The following ADD3 variants were observed in gnomAD, a reference collection of about 807,000 sequenced individuals.
The protein encoded by ADD3 is gamma-adducin.
A neutral mutation model predicts 80.2 loss-of-function variants in ADD3; 25 were observed. The observed-to-expected ratio is 0.31, with a 90% CI of 0.23 to 0.44. The LOEUF (loss-of-function observed/expected upper bound fraction) is 0.44, where lower values mean the gene tolerates loss of function less well. Ranked by LOEUF, ADD3 falls within the 20% of genes least tolerant of loss-of-function variation. The pLI is 1.00. For synonymous variants in ADD3, 284 were observed against 289.6 expected, an observed-to-expected ratio of 0.98 and a Z score of 0.20; for missense variants, 829 against 847.5, an observed-to-expected ratio of 0.98 and a Z score of 0.27.
At chr10:110,038,524 A>T (rs975520975) in intron 1 of ADD3, among the ~76,000 whole-genome samples, 1 of 152,240 alleles carries the variant, frequency 6.6e-6, no homozygotes, top group African/African-American at 2.4e-5. Context: ...TGCAGCCCTT[A>T]CAATCTGTCT....
chr10:110,113,779 G>C (rs1457775019), intron 3 of ADD3, among the ~76,000 whole-genome samples: 1 of 152,156 alleles, frequency 6.6e-6, no homozygotes, highest in East Asian at 1.9e-4. Context: ...TAGAATAGTT[G>C]GGGATCTGGT....
At chr10:110,124,744 G>C (rs1851928981) in intron 10 of ADD3, among the ~76,000 whole-genome samples, 2 of 152,176 alleles carry the variant, frequency 1.3e-5, no homozygotes, top group Admixed American at 1.3e-4. Flanking sequence ...AGATCTTGTA[G>C]GTAGAGAAAT....
chr10:110,082,092 A>C (rs965689158), intron 1 of ADD3, among the ~76,000 whole-genome samples: 6 of 152,230 alleles, frequency 3.9e-5, no homozygotes, highest in South Asian at 2.1e-4. Flanking sequence ...TGTGACACAC[A>C]GTGGGAATTC....
chr10:110,047,316 C>T (rs1857009398), intron 1 of ADD3, among the ~76,000 whole-genome samples: 1 of 152,284 alleles, frequency 6.6e-6, no homozygotes, highest in South Asian at 2.1e-4. Flanking sequence ...TAGGCTTAGA[C>T]AGTTTTACAT....
chr10:110,124,344 T>G (rs1001561314), intron 10 of ADD3, 70 bp downstream of exon 10: 94 of 1,503,694 alleles, frequency 6.3e-5, no homozygotes, highest in Admixed American at 1.6e-4. Context: ...TTGAATGTTC[T>G]ATATTGAAAA....
intron 1 of ADD3, among the ~76,000 whole-genome samples, chr10:110,051,185 C>CA (rs1294696874): frequency 2.0e-5 from 3 of 152,186 alleles, no homozygotes; most frequent in African/African-American, 7.2e-5. Context: ...AAATAAAGAG[C>CA]TAAAACCATA....
intron 1 of ADD3, among the ~76,000 whole-genome samples, chr10:110,070,756 G>A (rs1285552145): frequency 1.3e-5 from 2 of 152,006 alleles, no homozygotes; most frequent in African/African-American, 4.8e-5. Flanking sequence ...GGGGGGTAGG[G>A]GTGCAGATAA....
chr10:110,100,935 G>T (rs1848745269), intron 2 of ADD3, 87 bp downstream of exon 2: 1 of 1,238,878 alleles, frequency 8.1e-7, no homozygotes, highest in Non-Finnish European at 1.1e-6. Flanking sequence ...CTACCCTCAG[G>T]TTAAAAGAGG....
chr10:110,045,151 C>G (rs2133336869), intron 1 of ADD3, among the ~76,000 whole-genome samples: 1 of 152,272 alleles, frequency 6.6e-6, no homozygotes, highest in Middle Eastern at 3.4e-3. Flanking sequence ...GTCAGGAGTT[C>G]AAGACCAGCC....
chr10:110,037,544 G>A (rs1855806525), intron 1 of ADD3, among the ~76,000 whole-genome samples: 1 of 149,968 alleles, frequency 6.7e-6, no homozygotes, highest in African/African-American at 2.5e-5. Flanking sequence ...GACGGAGGTT[G>A]CAGTGAGCCG....
Position 110,098,040 on chromosome 10 carries a change from G to T in ADD3, c.-29-2585G>T, listed in dbSNP as rs1240410190. ...TCTGGCCGCCTTGGCCTCCCAAAGTGCTGGGATTACAGGCATAAGCTACCG... is the reference window on the plus strand; with the variant it reads ...TCTGGCCGCCTTGGCCTCCCAAAGTTCTGGGATTACAGGCATAAGCTACCG... On this transcript the variant is annotated intron_variant, in intron 1 of 14. Transcript: ENST00000356080. Among the ~76,000 whole-genome samples, 5 of 152,236 alleles carry T rather than the reference G, an allele frequency of 3.3e-5. No homozygotes were observed. The East Asian group carries it at 9.6e-4, about 29-fold the overall frequency.
At chr10:110,119,407 G>A (rs971844490) in intron 7 of ADD3, 53 bp downstream of exon 7, 65 of 1,613,078 alleles carry the variant, frequency 4.0e-5, no homozygotes, top group Middle Eastern at 3.3e-4. Flanking sequence ...TGCTGTTGAT[G>A]AAAACAGTGT....
chr10:110,014,062 A>G (rs1194144798), intron 1 of ADD3, among the ~76,000 whole-genome samples: 1 of 152,202 alleles, frequency 6.6e-6, no homozygotes, highest in East Asian at 1.9e-4. Flanking sequence ...TAGAATGACT[A>G]AATGCTAGAG....
chr10:110,099,783 A>C (rs1178133468), intron 1 of ADD3, among the ~76,000 whole-genome samples: 1 of 152,232 alleles, frequency 6.6e-6, no homozygotes, highest in Admixed American at 6.5e-5. Flanking sequence ...TCTATTCTGC[A>C]TGGCCAAAGG....
At chr10:110,073,585 A>G (rs1459424428) in intron 1 of ADD3, among the ~76,000 whole-genome samples, 1 of 152,148 alleles carries the variant, frequency 6.6e-6, no homozygotes, top group Non-Finnish European at 1.5e-5. Flanking sequence ...CAGCATTTAG[A>G]TCTCTGAGGA....
chr10:110,096,923 G>A (rs1027761957), intron 1 of ADD3, among the ~76,000 whole-genome samples: 3 of 152,138 alleles, frequency 2.0e-5, no homozygotes, highest in African/African-American at 7.2e-5. Flanking sequence ...GGTGGAAAGG[G>A]CTCTACAAGT....
chr10:110,116,569 G>T (rs905112475), intron 4 of ADD3, among the ~76,000 whole-genome samples, 159 bp downstream of exon 4: 1 of 152,120 alleles, frequency 6.6e-6, no homozygotes, highest in Non-Finnish European at 1.5e-5. Context: ...ATACCCAAGG[G>T]AGAGGCTCCA....
chr10:110,007,523 G>A (rs1851742921), upstream of ADD3, among the ~76,000 whole-genome samples: 2 of 152,208 alleles, frequency 1.3e-5, no homozygotes, highest in African/African-American at 2.4e-5. Context: ...TTTCCGAGGC[G>A]CCCCTCCTCC....
intron 1 of ADD3, among the ~76,000 whole-genome samples, chr10:110,041,200 A>C (rs1331913460): frequency 6.6e-6 from 1 of 152,240 alleles, no homozygotes; most frequent in African/African-American, 2.4e-5. Context: ...GATCTGGAGC[A>C]CAAGCTAGAA....
Sources: allele counts gnomAD v4.1 joint callset (sites outside exome capture counted in the v4.1 genomes callset), GRCh38; gene constraint gnomAD v4.1.1; transcripts MANE v1.5; gene names NCBI Gene and HGNC (gene_info 2026-07-23, HGNC 2026-07-21).